Variants in NWD1 observed in about 807,000 individuals in gnomAD.
NWD1 encodes the protein NACHT and WD repeat domain containing 1.
A neutral mutation model predicts 135.1 loss-of-function variants in NWD1; 129 were observed. The observed-to-expected ratio is 0.96, with a 90% CI of 0.83 to 1.11. The LOEUF is 1.11. NWD1 is among the 50% of genes least tolerant of loss of function. The pLI is 0.00. For synonymous variants in NWD1, 773 were observed against 786.0 expected (o/e 0.98, Z 0.28); for missense variants, 1,740 against 1,851.3 (o/e 0.94, Z 1.10).
intron 6 of NWD1, among the ~76,000 whole-genome samples, chr19:16,758,712 G>A (rs1968888376): frequency 6.6e-6 from 1 of 152,112 alleles, no homozygotes; most frequent in South Asian, 2.1e-4. Context: ...CGAGGTTGAG[G>A]AGCGGGCCAT....
rs148810266 is a variant in NWD1 at position 16,815,353 on chromosome 19, G to A, written c.*314G>A. The A allele has an allele frequency of 8.5e-6, 6 of 708,222 alleles. No homozygotes were observed. Among genetic ancestry groups the A allele is most frequent in the Non-Finnish European group, 1.5e-5 (6 of 387,134 alleles). The allele number at this position is 708,222 out of a possible 1,614,324, so 43.9% of individuals were successfully genotyped here. A position where few individuals can be genotyped will look rare whatever the true frequency, so the allele number is the denominator to read the frequency against. On this transcript the variant is annotated 3_prime_UTR_variant, in exon 19 of 19. Coordinates refer to ENST00000524140, the MANE Select transcript of NWD1 (RefSeq NM_001007525.5). Reference sequence around the variant, plus strand: ...AAAAAAATAAAAATAAAAAAACCCTGTGGGGGTATGGGGCTCCAGTGAGTT... The same window carrying A: ...AAAAAAATAAAAATAAAAAAACCCTATGGGGGTATGGGGCTCCAGTGAGTT...
intron 4 of NWD1, among the ~76,000 whole-genome samples, chr19:16,742,778 C>T (rs1968137256): frequency 6.6e-6 from 1 of 151,836 alleles, no homozygotes; most frequent in Admixed American, 6.6e-5. Context: ...TCAAGCGATT[C>T]TCTTGCCTCA....
chr19:16,784,853 C>CG (rs1003903300), intron 12 of NWD1, among the ~76,000 whole-genome samples: 9 of 149,996 alleles, frequency 6.0e-5, no homozygotes, highest in Admixed American at 6.0e-4. Context: ...CACTTGAACC[C>CG]GGGGGGCGGA....
chr19:16,728,077 C>CA (rs898597347), intron 2 of NWD1, among the ~76,000 whole-genome samples: 9 of 151,582 alleles, frequency 5.9e-5, no homozygotes, highest in Non-Finnish European at 1.3e-4. Flanking sequence ...CAAAATAAAC[C>CA]AAAAACTCAA....
rs113247054 is a variant in NWD1 at position 16,780,246 on chromosome 19, C to T, written c.2731+781C>T. Among the ~76,000 whole-genome samples the T allele has an allele frequency of 3.3e-3, 507 of 151,638 alleles. 5 individuals carry two copies. The highest frequency in any genetic ancestry group is 0.011 in the African/African-American group (470 of 41,312). On this transcript the variant is annotated intron_variant, in intron 12 of 18. Coordinates refer to ENST00000524140, the MANE Select transcript of NWD1 (RefSeq NM_001007525.5). ...TCTCGGCTCACTGTAAGCTCTGCCT[C>T]CCAGGTTCACGCCATTCTCCTGCCT...
At chr19:16,803,927 GA>G (rs558050418) in intron 17 of NWD1, among the ~76,000 whole-genome samples, 4 of 144,140 alleles carry the variant, frequency 2.8e-5, no homozygotes, top group South Asian at 2.2e-4. Context: ...TCCACCACCC[GA>G]AAAAAAAAAG....
intron 7 of NWD1, among the ~76,000 whole-genome samples, chr19:16,760,693 C>T (rs1968976359): frequency 6.6e-6 from 1 of 152,086 alleles, no homozygotes; most frequent in African/African-American, 2.4e-5. Flanking sequence ...CAGGTTTCAG[C>T]GATTCTCCTG....
In NWD1 at chr19:16,750,381, C is replaced by T. The variant is rs1326638570; in HGVS notation, c.1739C>T (p.Ala580Val). The change falls in exon 6 of 19, where the codon GCC (alanine) becomes GTC (valine). Residue 580 changes from alanine to valine, a missense_variant. Ala to Val is a moderately conservative substitution (Grantham distance 64, BLOSUM62 0). Coordinates refer to ENST00000524140, the MANE Select transcript of NWD1 (RefSeq NM_001007525.5). Reference protein sequence around the residue: ...LEQTHGQLLVAHVLGYIVSSR... With the variant: ...LEQTHGQLLVVHVLGYIVSSR... ...CAGACACACGGGCAGCTCCTCGTGG[C>T]CCACGTGCTGGGCTACATTGTGTCT... 6.3e-7 allele frequency: 1 copy of T among 1,598,620 alleles called. No homozygotes were observed. The highest frequency in any genetic ancestry group is 1.1e-5 in the South Asian group (1 of 90,036).
In NWD1 at chr19:16,815,442, C is replaced by T; in HGVS notation, c.*403C>T. ...TGCTGGTGTATATCTGGACCCATGG[C>T]TTCAGATTATGGCTTCAGACCTTGT... On this transcript the variant is annotated 3_prime_UTR_variant, in exon 19 of 19. Transcript: ENST00000524140. 3.3e-6 allele frequency: 2 copies of T among 603,800 alleles called. No homozygotes were observed. Among genetic ancestry groups the T allele is most frequent in the South Asian group, 2.1e-5 (1 of 48,436 alleles). The allele number at this position is 603,800 out of a possible 1,614,324, so 37.4% of individuals were successfully genotyped here. A position where few individuals can be genotyped will look rare whatever the true frequency, so the allele number is the denominator to read the frequency against.
rs565902720 is a variant in NWD1, at chr19:16,784,177, C to G, written c.2731+4712C>G. Among the ~76,000 whole-genome samples, 5 of 151,652 alleles carry G rather than the reference C, an allele frequency of 3.3e-5. 1 individual carries two copies. Among genetic ancestry groups the G allele is most frequent in the African/African-American group, 1.2e-4 (5 of 41,326 alleles). ...CCGAGATCATGCCACTGCACTCCAG[C>G]CTTGGTGACAGTGAGACTCAGTCTT... On this transcript the variant is annotated intron_variant, in intron 12 of 18. Coordinates refer to ENST00000524140, the MANE Select transcript of NWD1 (RefSeq NM_001007525.5).
In NWD1 at chr19:16,749,477, ACAC is replaced by A. The variant is rs778627689; in HGVS notation, c.836_838del (p.Thr279_Arg280delinsSer). 1 of 1,612,264 alleles carries A rather than the reference ACAC, an allele frequency of 6.2e-7. No individual in the cohort carries two copies. The highest frequency in any genetic ancestry group is 1.7e-5 in the Admixed American group (1 of 59,946). Reference sequence around the variant, plus strand: ...GGTGAGGGCCAATCACCAGGTCCTCACACGCCTCCGTGAGCTGGATACGGCCGG... The same window carrying A: ...GGTGAGGGCCAATCACCAGGTCCTCAGCCTCCGTGAGCTGGATACGGCCGG... On this transcript the variant is annotated inframe_deletion, in exon 6 of 19. Coordinates refer to ENST00000524140, the MANE Select transcript of NWD1 (RefSeq NM_001007525.5).
chr19:16,794,601 A>T (rs780866855), intron 15 of NWD1, 48 bp downstream of exon 15: 6 of 1,268,348 alleles, frequency 4.7e-6, no homozygotes, highest in Non-Finnish European at 6.8e-6. Flanking sequence ...AATCAGGATC[A>T]GGTTGGAGAA....
At chr19:16,735,868 GGAAGGAAGGAAGGAAGGAA>G (rs1967788741) in intron 3 of NWD1, among the ~76,000 whole-genome samples, 2 of 114,646 alleles carry the variant, frequency 1.7e-5, no homozygotes, top group South Asian at 2.7e-4. Context: ...GAAGGAAGGA[GGAAGGAAGGAAGGAAGGAA>G]GGAAGGAAGG....
At chr19:16,780,471 A>G (rs537455144) in intron 12 of NWD1, among the ~76,000 whole-genome samples, 3 of 152,190 alleles carry the variant, frequency 2.0e-5, no homozygotes, top group African/African-American at 7.2e-5. Flanking sequence ...CAGGGTTTCA[A>G]GAAAACAAGT....
At chr19:16,760,101 G>T (rs983230432) in intron 7 of NWD1, among the ~76,000 whole-genome samples, 1 of 152,046 alleles carries the variant, frequency 6.6e-6, no homozygotes, top group Non-Finnish European at 1.5e-5. Flanking sequence ...GCCACACTGA[G>T]CCGTGACTGT....
chr19:16,808,216 C>A, intron 18 of NWD1, 80 bp downstream of exon 18: 1 of 1,315,754 alleles, frequency 7.6e-7, no homozygotes. Context: ...ACTAAGCACA[C>A]ACCATGGGCC....
chr19:16,765,999 AG>A (rs1272637321), intron 10 of NWD1, among the ~76,000 whole-genome samples: 1 of 147,700 alleles, frequency 6.8e-6, no homozygotes, highest in Non-Finnish European at 1.5e-5. Context: ...CCTGGGCAAC[AG>A]AGTGAGACTC....
At chr19:16,788,875 C>T (rs1031674024) in intron 12 of NWD1, 107 bp from the exon 13 acceptor site, 1 of 772,306 alleles carries the variant, frequency 1.3e-6, no homozygotes, top group African/African-American at 1.7e-5. Context: ...TTCCATCCAT[C>T]TTTTCTTTGG....
chr19:16,743,318 C>T (rs1968163849), intron 4 of NWD1, among the ~76,000 whole-genome samples: 1 of 152,074 alleles, frequency 6.6e-6, no homozygotes, highest in Admixed American at 6.6e-5. Context: ...TCAAGCGGTC[C>T]TCCAGCCTCA....
Sources: gnomAD v4.1 joint callset for allele counts (sites outside exome capture counted in the v4.1 genomes callset) on GRCh38, gnomAD v4.1.1 for gene constraint, MANE v1.5 for transcripts, NCBI Gene and HGNC (gene_info 2026-07-23, HGNC 2026-07-21) for gene names.